SOX6: variants seen among roughly 807,000 people sequenced by gnomAD.
SOX6 encodes transcription factor SOX-6.
A neutral mutation model predicts 97.8 loss-of-function variants in SOX6; 11 were observed. That is an observed-to-expected ratio of 0.11 (90% CI 0.07 to 0.19). The LOEUF (loss-of-function observed/expected upper bound fraction) is 0.19, where lower values mean the gene tolerates loss of function less well. SOX6 is among the 10% of genes least tolerant of loss of function. The pLI, the probability that SOX6 is intolerant of heterozygous loss-of-function variation, is 1.00. For synonymous variants in SOX6, 360 were observed against 371.4 expected, an observed-to-expected ratio of 0.97 and a Z score of 0.35; for missense variants, 810 against 1,039.5, an observed-to-expected ratio of 0.78 and a Z score of 3.04.
At chr11:16,165,145 T>C (rs1264580916) in intron 6 of SOX6, among the ~76,000 whole-genome samples, 1 of 152,190 alleles carries the variant, frequency 6.6e-6, no homozygotes, top group Non-Finnish European at 1.5e-5. Context: ...CCACAAATAC[T>C]AACTTGAAAG....
intron 3 of SOX6, chr11:16,318,086 T>C (rs949617371): frequency 6.0e-5 from 24 of 400,550 alleles, no homozygotes; most frequent in Non-Finnish European, 2.4e-5. Context: ...TTGACATTTT[T>C]ATAAAGAAAT....
At chr11:16,603,351 A>G (rs937806092) in intron 4 of SOX6, among the ~76,000 whole-genome samples, 5 of 152,232 alleles carry the variant, frequency 3.3e-5, no homozygotes, top group Non-Finnish European at 5.9e-5. Context: ...AGAAACAACA[A>G]GGTACTTACT....
chr11:16,221,989 G>A (rs1363416677), intron 4 of SOX6, among the ~76,000 whole-genome samples: 3 of 152,188 alleles, frequency 2.0e-5, no homozygotes, highest in East Asian at 1.9e-4. Context: ...ATTTGGTGAA[G>A]TATCAAAGAA....
At chr11:16,690,513 T>G (rs1247024310) in intron 3 of SOX6, among the ~76,000 whole-genome samples, 1 of 152,234 alleles carries the variant, frequency 6.6e-6, no homozygotes, top group Non-Finnish European at 1.5e-5. Flanking sequence ...TTTAATAGTA[T>G]AAGGGATACA....
chr11:16,148,159 A>G lies in SOX6; in HGVS notation c.777+35727T>C, dbSNP rs576888550. Reference sequence around the variant, plus strand: ...TTAACTTTGTAGATTCTTAACATTTAAAGACAACAGTCTAAGGCAATTTAA... The same window carrying G: ...TTAACTTTGTAGATTCTTAACATTTGAAGACAACAGTCTAAGGCAATTTAA... On this transcript the variant is annotated intron_variant, in intron 6 of 15. Transcript: ENST00000683767. Among the ~76,000 whole-genome samples the G allele has an allele frequency of 1.4e-4, 22 of 152,338 alleles. No homozygotes were observed. In the South Asian group the frequency reaches 4.3e-3, roughly 30 times the overall value.
intron 6 of SOX6, among the ~76,000 whole-genome samples, chr11:16,160,755 C>A (rs1850727844): frequency 6.6e-6 from 1 of 152,128 alleles, no homozygotes; most frequent in Non-Finnish European, 1.5e-5. Flanking sequence ...CTGAAGCCTA[C>A]AAAAGCAGCA....
intron 1 of SOX6, among the ~76,000 whole-genome samples, chr11:16,470,375 T>C (rs1350715394): frequency 6.6e-6 from 1 of 152,166 alleles, no homozygotes; most frequent in African/African-American, 2.4e-5. Flanking sequence ...TGGGCTATGC[T>C]CAGTTTTAAA....
chr11:16,448,337 T>A (rs936714625), intron 1 of SOX6, among the ~76,000 whole-genome samples: 4 of 152,212 alleles, frequency 2.6e-5, no homozygotes, highest in African/African-American at 9.6e-5. Flanking sequence ...TTCTTTCTAT[T>A]TTACTCATAA....
At chr11:16,200,800 A>T (rs1047403681) in intron 4 of SOX6, among the ~76,000 whole-genome samples, 3 of 152,128 alleles carry the variant, frequency 2.0e-5, no homozygotes, top group African/African-American at 7.2e-5. Flanking sequence ...TTCCAGACAT[A>T]TAGTAGGTCT....
chr11:16,077,807 A>C (rs1039865231), intron 9 of SOX6, among the ~76,000 whole-genome samples: 4 of 152,200 alleles, frequency 2.6e-5, no homozygotes, highest in Non-Finnish European at 5.9e-5. Flanking sequence ...GGCCTACTTG[A>C]AGGCAGAGAG....
chr11:16,693,325 GTGATT>G (rs1848030101), intron 3 of SOX6, among the ~76,000 whole-genome samples: 1 of 151,980 alleles, frequency 6.6e-6, no homozygotes, highest in South Asian at 2.1e-4. Context: ...ATCTTTGGTG[GTGATT>G]TGATTTACCT....
intron 4 of SOX6, among the ~76,000 whole-genome samples, chr11:16,579,319 T>C (rs554814227): frequency 6.6e-6 from 1 of 152,104 alleles, no homozygotes; most frequent in Non-Finnish European, 1.5e-5. Context: ...GCACTAATCC[T>C]AAATTCAGTC....
intron 9 of SOX6, among the ~76,000 whole-genome samples, chr11:16,065,582 T>C (rs2133935224): frequency 6.6e-6 from 1 of 152,074 alleles, no homozygotes; most frequent in East Asian, 1.9e-4. Context: ...TGGAACAGAA[T>C]AGAGAACCCA....
intron 1 of SOX6, among the ~76,000 whole-genome samples, chr11:16,473,862 T>A (rs577099093): frequency 6.6e-6 from 1 of 152,362 alleles, no homozygotes; most frequent in South Asian, 2.1e-4. Context: ...AAAATATTTT[T>A]CTGTTACATA....
At position 16,546,114 on chromosome 11, in the gene SOX6, A is replaced by C. The variant is rs368203615; in HGVS notation, n.609+65967T>G. ...ATCCTATTTACAAAAGCAACAACAA[A>C]AAAAAATACCTAGGGAATAAATAAC... On this transcript the variant is annotated intron_variant and non_coding_transcript_variant, in intron 4 of 5. Coordinates refer to the SOX6 transcript ENST00000524520. 2.0e-3 allele frequency among the ~76,000 whole-genome samples: 211 copies of C among 105,642 alleles called. 2 individuals carry two copies. The highest frequency in any genetic ancestry group is 4.5e-3 in the Middle Eastern group (1 of 224). The allele number at this position is 105,642 out of a possible 152,430, so 69.3% of individuals were successfully genotyped here.
intron 1 of SOX6, among the ~76,000 whole-genome samples, chr11:16,389,995 A>AAAAAC: frequency 6.7e-6 from 1 of 149,460 alleles, no homozygotes; most frequent in Non-Finnish European, 1.5e-5. Context: ...AAAAAAAAAA[A>AAAAAC]AGAAGCTTAC....
At chr11:16,045,442 T>C (rs766400063) in intron 12 of SOX6, among the ~76,000 whole-genome samples, 2 of 152,156 alleles carry the variant, frequency 1.3e-5, no homozygotes, top group Non-Finnish European at 2.9e-5. Flanking sequence ...TATAGTCCAA[T>C]CTTCCACAGT....
At chr11:16,180,137 T>C (rs989362583) in intron 6 of SOX6, among the ~76,000 whole-genome samples, 2 of 151,698 alleles carry the variant, frequency 1.3e-5, no homozygotes, top group Non-Finnish European at 2.9e-5. Flanking sequence ...AATCAAGAAA[T>C]GAGGATTTAT....
At chr11:15,973,548 G>C (rs1853378474) in intron 15 of SOX6, among the ~76,000 whole-genome samples, 1 of 152,164 alleles carries the variant, frequency 6.6e-6, no homozygotes, top group South Asian at 2.1e-4. Flanking sequence ...TCTTCACCTT[G>C]GTTTGAGAAA....
Sources: gnomAD v4.1 joint callset for allele counts (sites outside exome capture counted in the v4.1 genomes callset) on GRCh38, gnomAD v4.1.1 for gene constraint, MANE v1.5 for transcripts, NCBI Gene and HGNC (gene_info 2026-07-23, HGNC 2026-07-21) for gene names.